Variants in ITIH6 observed in about 807,000 individuals in gnomAD.
ITIH6 encodes inter-alpha-trypsin inhibitor heavy chain H6.
In ITIH6, 60 loss-of-function variants were observed where a neutral mutation model predicts 58.2. The ratio of observed to expected loss-of-function variants is 1.03; its 90% CI spans 0.84 to 1.28. ITIH6 has a LOEUF of 1.28. ITIH6 is among the 50% of genes most tolerant of loss of function. ITIH6 has a pLI of 0.00. For missense variants in ITIH6, 1,290 were observed against 1,021.1 expected (o/e 1.26, Z -3.59); for synonymous variants, 493 against 417.4 (o/e 1.18, Z -2.21).
At chrX:54,782,987 A>T (rs1929175831) in intron 5 of ITIH6, among the ~76,000 whole-genome samples, 1 of 112,324 alleles carries the variant, frequency 8.9e-6, no homozygotes, top group African/African-American at 3.2e-5. Flanking sequence ...TCAAAAGATC[A>T]TTATGACCAA....
intron 8 of ITIH6, among the ~76,000 whole-genome samples, chrX:54,756,607 G>T (rs890790979): frequency 1.8e-5 from 2 of 111,306 alleles, no homozygotes; most frequent in Admixed American, 1.9e-4. Context: ...AATAAGACCC[G>T]CCTCATCCAA....
rs1428878511 is a variant in ITIH6, at chrX:54,788,575, A to G, written c.691T>C (p.Leu231=). 8.3e-7 allele frequency: 1 copy of G among 1,207,356 alleles called. No homozygotes were observed. Among genetic ancestry groups the G allele is most frequent in the Non-Finnish European group, 1.1e-6 (1 of 893,626 alleles). The change falls in exon 5 of 13, where the codon TTG becomes CTG. Residue 231 remains leucine, a synonymous_variant. Transcript: ENST00000218436. ...TCVRITYCPT[L]QDQSSISGSG... is the part of the protein sequence containing the mutation. ...CCAGAGATGGACGACTGGTCTTGCA[A>G]TGTCGGGCAGTAGGTGATTCGGACA...
intron 5 of ITIH6, among the ~76,000 whole-genome samples, chrX:54,786,033 A>C (rs184776049): frequency 6.3e-5 from 7 of 111,610 alleles, no homozygotes; most frequent in African/African-American, 2.0e-4. Context: ...ACTGTTGGAC[A>C]TGTGCCCCAG....
In ITIH6 at chrX:54,792,033, G is replaced by A; in HGVS notation, c.261C>T (p.Thr87=). Residue 87 remains threonine, a synonymous_variant, in exon 3 of 13, where the codon ACC becomes ACT. Coordinates refer to ENST00000218436, the MANE Select transcript of ITIH6 (RefSeq NM_198510.3). Reference sequence around the variant, plus strand: ...CTGCAATGTAGACTTTATTGTTGATGGTCCTAATGGGGCAGGAAAGAGGAG... The same window carrying A: ...CTGCAATGTAGACTTTATTGTTGATAGTCCTAATGGGGCAGGAAAGAGGAG... ...HLAFISNFTM[T]INNKVYIAEV... is the part of the protein sequence containing the mutation. 8.4e-7 allele frequency: 1 copy of A among 1,184,755 alleles called. No homozygotes were observed. The highest frequency in any genetic ancestry group is 1.1e-6 in the Non-Finnish European group (1 of 871,449).
At chrX:54,790,269 C>A (rs1171562567) in intron 4 of ITIH6, among the ~76,000 whole-genome samples, 1 of 109,411 alleles carries the variant, frequency 9.1e-6, no homozygotes, top group Non-Finnish European at 1.9e-5. Flanking sequence ...TGAACCAGAC[C>A]CTGAAGGCTG....
rs1929477613 is a variant in ITIH6 at position 54,798,168 on chromosome X, T to C, written c.43A>G (p.Thr15Ala). The C allele has an allele frequency of 2.5e-6, 3 of 1,187,632 alleles. No homozygotes were observed. The highest frequency in any genetic ancestry group is 3.5e-5 in the African/African-American group (2 of 56,618). The change falls in exon 1 of 13, where the codon ACC (threonine) becomes GCC (alanine). Residue 15 changes from threonine to alanine, a missense_variant. Transcript: ENST00000218436. ...RYLICVSFLL[T>A]ILLELTYQGP... is the part of the protein sequence containing the mutation. ...TGGTATGTCAGTTCAAGAAGAATGG[T>C]CAGCAAAAAGCTGACACAGATGAGG...
chrX:54,774,280 G>C (rs1165918134), intron 5 of ITIH6, 83 bp from the exon 6 acceptor site: 3 of 452,416 alleles, frequency 6.6e-6, no homozygotes, highest in Non-Finnish European at 1.1e-5. Flanking sequence ...TTATTTTCCT[G>C]CATAACACTG....
At chrX:54,797,139 C>A in intron 1 of ITIH6, 43 bp from the exon 2 acceptor site, 1 of 1,139,615 alleles carries the variant, frequency 8.8e-7, no homozygotes, top group Non-Finnish European at 1.2e-6. Context: ...TAGACTATGT[C>A]CTCAGCCTAG....
chrX:54,778,970 G>C, intron 5 of ITIH6, among the ~76,000 whole-genome samples: 1 of 112,441 alleles, frequency 8.9e-6, no homozygotes, highest in East Asian at 2.8e-4. Context: ...CTGAGAGAGT[G>C]TCATGATGTA....
At position 54,749,412 on chromosome X, in the gene ITIH6, C is replaced by T. The variant is rs1284729226; in HGVS notation, c.*483G>A. The T allele has an allele frequency of 8.8e-6, 1 of 113,769 alleles. No homozygotes were observed. Among genetic ancestry groups the T allele is most frequent in the Non-Finnish European group, 1.8e-5 (1 of 54,904 alleles). 9.4% of individuals were successfully genotyped at this position (113,769 alleles called of 1,213,427 possible). On this transcript the variant is annotated 3_prime_UTR_variant, in exon 13 of 13. Coordinates refer to ENST00000218436, the MANE Select transcript of ITIH6 (RefSeq NM_198510.3). ...CTAGGGCAGGCATCAGGAAAGGCCT[C>T]CTAGAAGAGGTAACAACTAGGATTT...
At position 54,750,118 on chromosome X, in the gene ITIH6, A is replaced by G. The variant is rs1928324448; in HGVS notation, c.3731-12T>C. ...GTGCTGGAACTGCCCTGAGGGAGAG[A>G]GATGCAGTGCTAGTCAGGGAGGTGG... On this transcript the variant is annotated splice_polypyrimidine_tract_variant and intron_variant, in intron 12 of 12. Transcript: ENST00000218436. 1 of 1,175,072 alleles carries G rather than the reference A, an allele frequency of 8.5e-7. No homozygotes were observed.
chrX:54,753,928 A>G lies in ITIH6; in HGVS notation c.3238+2T>C, dbSNP rs146907002. On this transcript the variant is annotated splice_donor_variant, in intron 10 of 12. Transcript: ENST00000218436. LOFTEE classifies it high-confidence loss of function. ...GGGGAGCCATGGGGGTGACTGGCTT[A>G]CCTGAGGAGGAGAAGGTGAAGATGC... 332 of 1,207,671 alleles carry G rather than the reference A, an allele frequency of 2.7e-4. No individual in the cohort carries two copies. The African/African-American group carries it at 4.6e-3, about 17-fold the overall frequency.
rs370959909 is a variant in ITIH6 at position 54,757,685 on chromosome X, G to A, written c.2389C>T (p.Leu797Phe). 3 of 1,211,023 alleles carry A rather than the reference G, an allele frequency of 2.5e-6. No homozygotes were observed. Among genetic ancestry groups the A allele is most frequent in the Non-Finnish European group, 3.4e-6 (3 of 895,066 alleles). Residue 797 changes from leucine (L) to phenylalanine (F), a missense_variant, in exon 8 of 13, where the codon CTC becomes TTC. By Grantham distance (22) the Leu-to-Phe change is conservative (BLOSUM62 0). Coordinates refer to ENST00000218436, the MANE Select transcript of ITIH6 (RefSeq NM_198510.3). ...GAPSHPQLGA[L>F]TSQAPKGLPQ... The stretch of plus-strand genomic sequence containing the variant: ...AGGCCTTTAGGTGCCTGTGATGTGA[G>A]TGCCCCAAGTTGGGGGTGCGATGGA...
intron 6 of ITIH6, among the ~76,000 whole-genome samples, chrX:54,770,795 A>T (rs1928933562): frequency 8.9e-6 from 1 of 112,349 alleles, no homozygotes; most frequent in Non-Finnish European, 1.9e-5. Flanking sequence ...CTTCTCCAAC[A>T]CTTTTCCTTT....
chrX:54,781,137 C>G (rs1162576871), intron 5 of ITIH6, among the ~76,000 whole-genome samples: 8 of 111,417 alleles, frequency 7.2e-5, no homozygotes, highest in South Asian at 3.7e-4. Flanking sequence ...ACTATAAAAA[C>G]CCTGGAAGAC....
At chrX:54,754,577 G>T (rs1928448482) in intron 9 of ITIH6, among the ~76,000 whole-genome samples, 1 of 111,603 alleles carries the variant, frequency 9.0e-6, no homozygotes, top group South Asian at 3.8e-4. Flanking sequence ...GATGGAGGGG[G>T]ACCACATGGC....
rs1478539243 is a variant in ITIH6 at position 54,757,147 on chromosome X, G to A, written c.2927C>T (p.Thr976Ile). Residue 976 changes from threonine (T) to isoleucine (I), a missense_variant, in exon 8 of 13, where the codon ACA becomes ATA. Coordinates refer to ENST00000218436, the MANE Select transcript of ITIH6 (RefSeq NM_198510.3). ...CAGGTTTGGAGGGCTGCCTTCTGGT[G>A]TAGGCCTGGAGCTGTTGAGTAGGCT... is the stretch of plus-strand genomic sequence containing the variant. ...TMSLLNSSRP[T>I]PEGSPPNLPI... 1.7e-6 allele frequency: 2 copies of A among 1,211,502 alleles called. No homozygotes were observed. Among genetic ancestry groups the A allele is most frequent in the East Asian group, 3.0e-5 (1 of 33,838 alleles).
intron 6 of ITIH6, among the ~76,000 whole-genome samples, chrX:54,761,428 G>A (rs1260460460): frequency 2.7e-5 from 3 of 111,077 alleles, no homozygotes; most frequent in Non-Finnish European, 5.7e-5. Flanking sequence ...CTGTGCAGAA[G>A]CTCTTTAGTT....
chrX:54,768,839 G>A (rs376857548), intron 6 of ITIH6, among the ~76,000 whole-genome samples: 5,688 of 103,471 alleles, frequency 0.055, 708 homozygotes, highest in African/African-American at 0.22. Flanking sequence ...ACTTTGGTGA[G>A]TCTGACAATT....
Sources: gnomAD v4.1 joint callset for allele counts (sites outside exome capture counted in the v4.1 genomes callset) on GRCh38, gnomAD v4.1.1 for gene constraint, MANE v1.5 for transcripts, NCBI Gene and HGNC (gene_info 2026-07-23, HGNC 2026-07-21) for gene names.